Variants in LUZP2 observed in about 807,000 individuals in gnomAD.
LUZP2 encodes the protein leucine zipper protein 2.
In LUZP2, 52 loss-of-function variants were observed where a neutral mutation model predicts 51.6. The observed-to-expected ratio is 1.01, with a 90% confidence interval of 0.81 to 1.27. LUZP2 has a LOEUF of 1.27. LUZP2 is among the 50% of genes most tolerant of loss of function. The pLI, the probability that LUZP2 is intolerant of heterozygous loss-of-function variation, is 0.00. For synonymous variants in LUZP2, 154 were observed against 137.3 expected, an observed-to-expected ratio of 1.12 and a Z score of -0.85; for missense variants, 436 against 395.4, an observed-to-expected ratio of 1.10 and a Z score of -0.87.
intron 1 of LUZP2, among the ~76,000 whole-genome samples, chr11:24,573,681 C>G (rs1193019929): frequency 6.6e-6 from 1 of 151,858 alleles, no homozygotes; most frequent in Admixed American, 6.6e-5. Context: ...AATAATTCAG[C>G]ATAAAATAAA....
chr11:24,973,710 A>G (rs1470156029), intron 7 of LUZP2, among the ~76,000 whole-genome samples: 1 of 152,106 alleles, frequency 6.6e-6, no homozygotes, highest in Non-Finnish European at 1.5e-5. Context: ...ATTCAGCAGC[A>G]GGTTGTACAA....
chr11:24,914,411 A>G (rs1460758204), intron 6 of LUZP2, 65 bp from the exon 7 acceptor site: 10 of 1,203,108 alleles, frequency 8.3e-6, no homozygotes, highest in Non-Finnish European at 1.2e-5. Context: ...GTCTGAAAGT[A>G]TTTTAATCTT....
At chr11:24,596,162 G>A (rs1853438957) in intron 1 of LUZP2, among the ~76,000 whole-genome samples, 1 of 152,086 alleles carries the variant, frequency 6.6e-6, no homozygotes, top group Non-Finnish European at 1.5e-5. Context: ...ATAATCCCAA[G>A]GCACCAGCTT....
chr11:24,741,962 AT>A (rs1273975888), intron 4 of LUZP2, among the ~76,000 whole-genome samples: 1 of 124,878 alleles, frequency 8.0e-6, no homozygotes, highest in Non-Finnish European at 1.7e-5. Flanking sequence ...TATATTATAT[AT>A]AAATATATAC....
At position 24,611,108 on chromosome 11, in the gene LUZP2, A is replaced by G. The variant is rs898839548; in HGVS notation, c.62+113803A>G. ...GTTTTGTTTTGTTTTGGCTATCCGA[A>G]GTAACATATAAGTGACTTTTATTTA... On this transcript the variant is annotated intron_variant, in intron 1 of 11. Coordinates refer to ENST00000336930, the MANE Select transcript of LUZP2 (RefSeq NM_001009909.4). The surrounding 1 kb of genome is among the most constrained non-coding windows in gnomAD (Gnocchi z 4.6). Among the ~76,000 whole-genome samples the G allele has an allele frequency of 1.3e-5, 2 of 151,798 alleles. No homozygotes were observed. The highest frequency in any genetic ancestry group is 4.8e-5 in the African/African-American group (2 of 41,274).
At chr11:24,828,175 A>G (rs1424255052) in intron 5 of LUZP2, among the ~76,000 whole-genome samples, 1 of 152,170 alleles carries the variant, frequency 6.6e-6, no homozygotes, top group Non-Finnish European at 1.5e-5. Context: ...ATCAAAGGAT[A>G]AAACTTACCA....
intron 1 of LUZP2, among the ~76,000 whole-genome samples, chr11:24,699,535 T>C (rs1857356565): frequency 6.6e-6 from 1 of 151,834 alleles, no homozygotes. Flanking sequence ...GTTTTACTGA[T>C]GAGATAAACA....
At chr11:24,913,882 C>A (rs530155373) in intron 6 of LUZP2, among the ~76,000 whole-genome samples, 1 of 151,736 alleles carries the variant, frequency 6.6e-6, no homozygotes, top group African/African-American at 2.4e-5. Flanking sequence ...CTTAAGGGAC[C>A]GTAATTAAAT....
intron 1 of LUZP2, among the ~76,000 whole-genome samples, chr11:24,582,830 A>G (rs1010813033): frequency 1.3e-5 from 2 of 152,070 alleles, no homozygotes; most frequent in African/African-American, 4.8e-5. Flanking sequence ...ATCTTGTATG[A>G]AGAGTTATAA....
rs1295378061 is a variant in LUZP2, at chr11:24,599,542, C to T, written c.62+102237C>T. Among the ~76,000 whole-genome samples, 3 of 152,278 alleles carry T rather than the reference C, an allele frequency of 2.0e-5. No individual in the cohort carries two copies. The East Asian group carries it at 5.8e-4, about 29-fold the overall frequency. On this transcript the variant is annotated intron_variant, in intron 1 of 11. Transcript: ENST00000336930. ...AGTCATTGTTCTGCCACAGTATCTT[C>T]CTCAATTCAAATATAGCAAGCATAG... is the stretch of plus-strand genomic sequence containing the variant.
intron 5 of LUZP2, among the ~76,000 whole-genome samples, chr11:24,837,839 A>T (rs1850905013): frequency 6.6e-6 from 1 of 151,542 alleles, no homozygotes; most frequent in South Asian, 2.1e-4. Context: ...CCATCTTAGT[A>T]TTGTATTTGC....
chr11:24,558,694 G>T (rs1266453387), intron 1 of LUZP2, among the ~76,000 whole-genome samples: 1 of 152,192 alleles, frequency 6.6e-6, no homozygotes, highest in Non-Finnish European at 1.5e-5. Context: ...TGAGAGCAGA[G>T]AACTGCTGGA....
chr11:24,532,027 T>C (rs1851017563), intron 1 of LUZP2, among the ~76,000 whole-genome samples: 1 of 151,034 alleles, frequency 6.6e-6, no homozygotes, highest in Non-Finnish European at 1.5e-5. Context: ...TAATATTGAT[T>C]ATGAACACTA....
chr11:24,522,615 A>G (rs978569176), intron 1 of LUZP2, among the ~76,000 whole-genome samples: 1 of 152,038 alleles, frequency 6.6e-6, no homozygotes, highest in Non-Finnish European at 1.5e-5. Context: ...ATAAATTGTC[A>G]GGTTTTCTGC....
chr11:25,049,895 C>T, intron 9 of LUZP2, 143 bp from the exon 10 acceptor site: 1 of 395,448 alleles, frequency 2.5e-6, no homozygotes, highest in African/African-American at 2.1e-5. Flanking sequence ...TACAAATTTC[C>T]ATTTTCTTGT....
chr11:25,046,302 T>A (rs1406673023), intron 9 of LUZP2, among the ~76,000 whole-genome samples: 2 of 151,862 alleles, frequency 1.3e-5, no homozygotes, highest in South Asian at 4.2e-4. Context: ...AAATGGGAGC[T>A]CTTTGAGATA....
At chr11:24,593,406 C>T (rs892877997) in intron 1 of LUZP2, among the ~76,000 whole-genome samples, 2 of 152,098 alleles carry the variant, frequency 1.3e-5, no homozygotes, top group East Asian at 1.9e-4. Context: ...AGGCCTCTCA[C>T]GAGATTTCTA....
intron 5 of LUZP2, among the ~76,000 whole-genome samples, chr11:24,843,149 T>G (rs1851087659): frequency 6.6e-6 from 1 of 151,962 alleles, no homozygotes; most frequent in Admixed American, 6.6e-5. Context: ...TACAAACATA[T>G]ATATTCATAT....
chr11:24,508,058 A>G (rs1008340601), intron 1 of LUZP2, among the ~76,000 whole-genome samples: 2 of 152,010 alleles, frequency 1.3e-5, no homozygotes, highest in African/African-American at 2.4e-5. Context: ...AATCTTTACA[A>G]TAAACCTTGA....
Sources: gnomAD v4.1 joint callset for allele counts (sites outside exome capture counted in the v4.1 genomes callset) on GRCh38, gnomAD v4.1.1 for gene constraint, Gnocchi (gnomAD v3.1) non-coding constraint, MANE v1.5 for transcripts, NCBI Gene and HGNC (gene_info 2026-07-23, HGNC 2026-07-21) for gene names.